CCNJL: variants seen among roughly 807,000 people sequenced by gnomAD.
CCNJL encodes cyclin J like, also known as cyclin-J-like protein.
CCNJL carries 33 observed loss-of-function variants against 33.4 expected under a neutral mutation model. The observed-to-expected ratio is 0.99, with a 90% CI of 0.75 to 1.32. The LOEUF (loss-of-function observed/expected upper bound fraction) is 1.32, where lower values mean the gene tolerates loss of function less well. CCNJL is among the 40% of genes most tolerant of loss of function. The pLI is 0.00. For missense variants in CCNJL, 512 were observed against 499.7 expected (o/e 1.02, Z -0.23); for synonymous variants, 227 against 220.9 (o/e 1.03, Z -0.24).
chr5:160,264,360 T>C (rs1580956853), intron 3 of CCNJL, among the ~76,000 whole-genome samples: 1 of 152,176 alleles, frequency 6.6e-6, no homozygotes, highest in Non-Finnish European at 1.5e-5. Flanking sequence ...ATGCCTCTTA[T>C]GTGCCCTCCT....
chr5:160,296,071 G>A (rs1461751751), intron 2 of CCNJL, among the ~76,000 whole-genome samples: 1 of 152,210 alleles, frequency 6.6e-6, no homozygotes, highest in African/African-American at 2.4e-5. Context: ...GCAGTGGCTA[G>A]CACAGTGTGT....
chr5:160,335,990 A>G (rs1763679745), intron 1 of CCNJL, among the ~76,000 whole-genome samples: 1 of 152,056 alleles, frequency 6.6e-6, no homozygotes. Context: ...ATCGTCCACA[A>G]TCCAAATACC....
chr5:160,332,788 T>C (rs1763626302), intron 1 of CCNJL, among the ~76,000 whole-genome samples: 1 of 149,698 alleles, frequency 6.7e-6, no homozygotes, highest in African/African-American at 2.4e-5. Context: ...TCTTCTCTGC[T>C]TTTTTTTTTC....
intron 1 of CCNJL, among the ~76,000 whole-genome samples, chr5:160,326,011 C>T (rs1033568081): frequency 6.6e-6 from 1 of 152,208 alleles, no homozygotes; most frequent in African/African-American, 2.4e-5. Flanking sequence ...TTTGCCAACT[C>T]CTGCTACAAG....
chr5:160,288,698 GTC>G (rs2113381336), intron 2 of CCNJL, among the ~76,000 whole-genome samples: 1 of 151,898 alleles, frequency 6.6e-6, no homozygotes, highest in East Asian at 1.9e-4. Context: ...GTGAAATCCT[GTC>G]TCTACTAAAA....
intron 1 of CCNJL, among the ~76,000 whole-genome samples, chr5:160,323,988 G>A (rs528729586): frequency 6.6e-6 from 1 of 152,272 alleles, no homozygotes; most frequent in East Asian, 1.9e-4. Flanking sequence ...TCAGGCCTGT[G>A]GGCTTGGGCT....
intron 1 of CCNJL, among the ~76,000 whole-genome samples, chr5:160,327,603 A>G (rs1561814570): frequency 6.6e-6 from 1 of 152,204 alleles, no homozygotes; most frequent in Non-Finnish European, 1.5e-5. Flanking sequence ...AGCCCCCAAC[A>G]AGGTGGGCCA....
chr5:160,253,896 C>T (rs1207032707), intron 5 of CCNJL, 98 bp from the exon 6 acceptor site: 8 of 926,310 alleles, frequency 8.6e-6, no homozygotes, highest in Admixed American at 5.7e-5. Context: ...GGAAGAGATG[C>T]GTGTGTCCTG....
At chr5:160,254,921 T>C (rs902116723) in intron 5 of CCNJL, 1 of 152,276 alleles carries the variant, frequency 6.6e-6, no homozygotes, top group African/African-American at 2.4e-5. Flanking sequence ...TGGAAGTCCT[T>C]CAATGCGATT....
intron 2 of CCNJL, among the ~76,000 whole-genome samples, chr5:160,303,322 C>T (rs375349804): frequency 4.6e-5 from 7 of 152,230 alleles, no homozygotes; most frequent in East Asian, 3.9e-4. Context: ...TCTCCTGCCT[C>T]GGCCTCCTCA....
intron 3 of CCNJL, among the ~76,000 whole-genome samples, chr5:160,261,913 G>C (rs1761352909): frequency 1.3e-5 from 2 of 152,140 alleles, no homozygotes; most frequent in South Asian, 4.1e-4. Context: ...GCACATAGTA[G>C]GTACCCAATA....
intron 3 of CCNJL, among the ~76,000 whole-genome samples, chr5:160,266,233 G>A (rs1356512843): frequency 6.6e-6 from 1 of 152,280 alleles, no homozygotes; most frequent in Non-Finnish European, 1.5e-5. Context: ...AGCTCTGGCT[G>A]AAAGGGCTTT....
At chr5:160,320,814 T>TTTCTTTCTTTCTTTCTTTCTTTCC (rs1763434518) in intron 1 of CCNJL, among the ~76,000 whole-genome samples, 4 of 103,598 alleles carry the variant, frequency 3.9e-5, no homozygotes, top group African/African-American at 1.5e-4. Context: ...TCTTTCTTTC[T>TTTCTTTCTTTCTTTCTTTCTTTCC]TTCTTTCTTT....
At chr5:160,296,222 C>G (rs1762746454) in intron 2 of CCNJL, among the ~76,000 whole-genome samples, 1 of 152,224 alleles carries the variant, frequency 6.6e-6, no homozygotes, top group Non-Finnish European at 1.5e-5. Context: ...AGCCAGATAA[C>G]ATACACAAGG....
chr5:160,259,844 T>C, intron 3 of CCNJL, 73 bp from the exon 4 acceptor site: 1 of 1,283,462 alleles, frequency 7.8e-7, no homozygotes, highest in Middle Eastern at 1.9e-4. Flanking sequence ...CGGCCCACCT[T>C]ACAGTGCCTG....
upstream of CCNJL, chr5:160,315,470 G>A (rs1050606751): frequency 7.2e-5 from 32 of 445,744 alleles, no homozygotes; most frequent in Admixed American, 7.7e-4. Flanking sequence ...TTGTGCCACT[G>A]CACTCCAGCC....
intron 2 of CCNJL, among the ~76,000 whole-genome samples, chr5:160,303,009 C>T (rs564755140): frequency 3.9e-5 from 6 of 152,158 alleles, no homozygotes; most frequent in Admixed American, 2.0e-4. Flanking sequence ...TGGCAGGAAG[C>T]CTTTCCATCA....
At chr5:160,302,326 T>C (rs914159856) in intron 2 of CCNJL, among the ~76,000 whole-genome samples, 4 of 152,186 alleles carry the variant, frequency 2.6e-5, no homozygotes, top group African/African-American at 7.2e-5. Flanking sequence ...ATATACTTGA[T>C]AGTATTTTTG....
chr5:160,278,872 C>T (rs528289522), intron 3 of CCNJL, among the ~76,000 whole-genome samples: 2 of 152,362 alleles, frequency 1.3e-5, no homozygotes, highest in Non-Finnish European at 2.9e-5. Context: ...GGAGATGTTT[C>T]ACAAGCCCCG....
Sources: gnomAD v4.1 joint callset for allele counts (sites outside exome capture counted in the v4.1 genomes callset) on GRCh38, gnomAD v4.1.1 for gene constraint, MANE v1.5 for transcripts, NCBI Gene and HGNC (gene_info 2026-07-23, HGNC 2026-07-21) for gene names.